The following NEMF variants were observed in gnomAD, a reference collection of about 807,000 sequenced individuals.
The protein encoded by NEMF is ribosome quality control complex subunit NEMF.
NEMF carries 89 observed loss-of-function variants against 162.2 expected under a neutral mutation model. The observed-to-expected ratio is 0.55, with a 90% CI of 0.46 to 0.65. The LOEUF is 0.65. Among genes scored for constraint, NEMF ranks in the 30% least tolerant of loss-of-function variants. The pLI, the probability that NEMF is intolerant of heterozygous loss-of-function variation, is 0.00. For missense variants in NEMF, 1,133 were observed against 1,261.9 expected (o/e 0.90, Z 1.55); for synonymous variants, 421 against 404.5 (o/e 1.04, Z -0.49).
intron 17 of NEMF, among the ~76,000 whole-genome samples, chr14:49,814,536 CTG>C (rs547368318): frequency 1.2e-3 from 182 of 152,346 alleles, no homozygotes; most frequent in African/African-American, 4.3e-3. Flanking sequence ...AAGTCCAACA[CTG>C]CAGATTAGCT....
chr14:49,784,544 T>C lies in NEMF; in HGVS notation c.*92A>G. 2.4e-6 allele frequency: 2 copies of C among 844,504 alleles called. No individual in the cohort carries two copies. The highest frequency in any genetic ancestry group is 3.8e-6 in the Non-Finnish European group (2 of 524,050). 52.3% of individuals were successfully genotyped at this position (844,504 alleles called of 1,614,324 possible). A position where few individuals can be genotyped will look rare whatever the true frequency, so the allele number is the denominator to read the frequency against. On this transcript the variant is annotated 3_prime_UTR_variant, in exon 33 of 33. Coordinates refer to ENST00000298310, the MANE Select transcript of NEMF (RefSeq NM_004713.6). ...GGCAATGTTTAGTTCATTTTTATAA[T>C]GCGGAAATCCTGATACATGGTGCTT... is the stretch of plus-strand genomic sequence containing the variant.
intron 25 of NEMF, 89 bp from the exon 26 acceptor site, chr14:49,796,033 A>G: frequency 7.8e-6 from 7 of 895,922 alleles, no homozygotes; most frequent in Non-Finnish European, 1.0e-5. Context: ...GCACATATAC[A>G]GTATATAAAT....
At chr14:49,810,318 G>A (rs1006766088) in intron 18 of NEMF, among the ~76,000 whole-genome samples, 1 of 151,464 alleles carries the variant, frequency 6.6e-6, no homozygotes, top group African/African-American at 2.4e-5. Flanking sequence ...CATGAGCCGA[G>A]ATCACACCAC....
At chr14:49,830,893 A>G (rs1190743764) in intron 11 of NEMF, among the ~76,000 whole-genome samples, 1 of 152,220 alleles carries the variant, frequency 6.6e-6, no homozygotes, top group Non-Finnish European at 1.5e-5. Context: ...CTTGGCTTTA[A>G]AGTCCATTTA....
rs144342025 is a variant in NEMF, at chr14:49,840,858, A to T, written c.366T>A (p.Ile122=). ...LIIELYDRGN[I]VLTDYEYVIL... ...TTACGTACTCATAATCTGTAAGAAC[A>T]ATGTTCCCCTGCAATAAAATAAAAT... is the stretch of plus-strand genomic sequence containing the variant. Residue 122 remains isoleucine (I), a synonymous_variant, in exon 5 of 33, where the codon ATT becomes ATA. Transcript: ENST00000298310. 2.9e-5 allele frequency: 46 copies of T among 1,603,494 alleles called. No individual in the cohort carries two copies. Among genetic ancestry groups the T allele is most frequent in the Non-Finnish European group, 3.5e-5 (41 of 1,177,168 alleles).
Position 49,784,656 on chromosome 14 carries a change from G to A in NEMF, c.3211C>T (p.Leu1071=), listed in dbSNP as rs1026491339. The A allele has an allele frequency of 6.2e-7, 1 of 1,610,918 alleles. No homozygotes were observed. The part of the protein sequence containing the change: ...GKVKVSAPNL[L]NVKRK ...TTCAGCTATTTCCTTTTTACGTTCA[G>A]AAGATTGGGTGCAGACACTTTCACT... is the stretch of plus-strand genomic sequence containing the variant. The change falls in exon 33 of 33, where the codon CTG becomes TTG. Residue 1071 remains leucine, a synonymous_variant. Transcript: ENST00000298310.
chr14:49,815,112 T>C (rs1248114354), intron 16 of NEMF, among the ~76,000 whole-genome samples: 1 of 152,208 alleles, frequency 6.6e-6, no homozygotes, highest in Non-Finnish European at 1.5e-5. Flanking sequence ...CTTCTTAAAC[T>C]CAACTTCTAA....
chr14:49,785,291 C>G lies in NEMF; in HGVS notation c.2958G>C (p.Gln986His). Residue 986 changes from glutamine to histidine, a missense_variant, in exon 30 of 33, where the codon CAG (glutamine) becomes CAC (histidine). Physicochemically the swap from Gln to His is conservative, Grantham distance 24. Around this residue, in one of 3 missense-constraint regions of NEMF, gnomAD observed 532 missense variants for 578.6 expected, o/e 0.92. Coordinates refer to ENST00000298310, the MANE Select transcript of NEMF (RefSeq NM_004713.6). ...ACAGTAGTACATCTTCAGGATGTGGCTGGCCTGTCAAAGAATCAAATAGGT... is the reference window on the plus strand; with the variant it reads ...ACAGTAGTACATCTTCAGGATGTGGGTGGCCTGTCAAAGAATCAAATAGGT... Reference protein sequence around the residue: ...EENLFDSLTGQPHPEDVLLFA... With the variant: ...EENLFDSLTGHPHPEDVLLFA... 6.2e-7 allele frequency: 1 copy of G among 1,613,806 alleles called. No homozygotes were observed. Among genetic ancestry groups the G allele is most frequent in the South Asian group, 1.1e-5 (1 of 91,072 alleles).
chr14:49,792,652 T>C (rs1890507333), intron 26 of NEMF, among the ~76,000 whole-genome samples: 1 of 152,188 alleles, frequency 6.6e-6, no homozygotes, highest in Admixed American at 6.5e-5. Flanking sequence ...AATATATTTT[T>C]CTCAACTAAT....
At chr14:49,798,680 G>A (rs113080562) in intron 25 of NEMF, among the ~76,000 whole-genome samples, 209 of 152,220 alleles carry the variant, frequency 1.4e-3, no homozygotes, top group African/African-American at 4.6e-3. Context: ...AGGCCAAAGC[G>A]GGTGATCACG....
rs561887479 is a variant in NEMF, at chr14:49,802,776, T to A, written c.1916-49A>T. On this transcript the variant is annotated intron_variant, in intron 20 of 32. Coordinates refer to ENST00000298310, the MANE Select transcript of NEMF (RefSeq NM_004713.6). ...TGCTTTGAAAATCAGTCTTCTCCAT[T>A]TTTTGCTTGTAAAACAAAAAAAAAT... 13 of 1,470,700 alleles carry A rather than the reference T, an allele frequency of 8.8e-6. No individual in the cohort carries two copies. In the South Asian group the frequency reaches 1.4e-4, roughly 16 times the overall value. The allele number at this position is 1,470,700 out of a possible 1,614,324, so 91.1% of individuals were successfully genotyped here.
chr14:49,827,981 G>GT (rs1892445900), intron 15 of NEMF, among the ~76,000 whole-genome samples: 2 of 152,168 alleles, frequency 1.3e-5, no homozygotes, highest in African/African-American at 4.8e-5. Flanking sequence ...GATTCTGGCT[G>GT]TACTTTAAAG....
rs986207069 is a variant in NEMF at position 49,796,049 on chromosome 14, T to C, written c.2466-105A>G. 4.0e-5 allele frequency: 30 copies of C among 743,710 alleles called. No individual in the cohort carries two copies. The Middle Eastern group carries it at 4.0e-3, about 100-fold the overall frequency. The allele number at this position is 743,710 out of a possible 1,614,324, so 46.1% of individuals were successfully genotyped here. A position where few individuals can be genotyped will look rare whatever the true frequency, so the allele number is the denominator to read the frequency against. ...CACATATACAGTATATAAATGGTCA[T>C]GGCTTCTGCTTCACTTGATAATCAC... On this transcript the variant is annotated intron_variant, in intron 25 of 32. Transcript: ENST00000298310.
chr14:49,848,437 G>A (rs549035763), intron 3 of NEMF, among the ~76,000 whole-genome samples: 1 of 152,216 alleles, frequency 6.6e-6, no homozygotes, highest in South Asian at 2.1e-4. Flanking sequence ...ACATGGACTG[G>A]TAACAAGACT....
intron 23 of NEMF, 144 bp from the exon 24 acceptor site, chr14:49,799,822 C>T: frequency 1.5e-6 from 1 of 662,634 alleles, no homozygotes; most frequent in Non-Finnish European, 2.6e-6. Context: ...AACATACAAC[C>T]AAATTGCTCC....
intron 18 of NEMF, 61 bp from the exon 19 acceptor site, chr14:49,806,194 T>A (rs1798857465): frequency 1.0e-6 from 1 of 986,874 alleles, no homozygotes; most frequent in South Asian, 1.4e-5. Flanking sequence ...GAGCAAGATA[T>A]GAAAATCACA....
At chr14:49,824,028 G>T (rs919648911) in intron 16 of NEMF, among the ~76,000 whole-genome samples, 1 of 152,028 alleles carries the variant, frequency 6.6e-6, no homozygotes, top group Non-Finnish European at 1.5e-5. Flanking sequence ...AAATTAGTTG[G>T]GCATGGTGGC....
chr14:49,834,880 T>C (rs1224825282), intron 6 of NEMF, among the ~76,000 whole-genome samples: 2 of 152,244 alleles, frequency 1.3e-5, no homozygotes, highest in Admixed American at 1.3e-4. Flanking sequence ...TTTACTTATT[T>C]TGAAGTGTTA....
chr14:49,809,416 A>T (rs936811503), intron 18 of NEMF, among the ~76,000 whole-genome samples: 4 of 152,230 alleles, frequency 2.6e-5, no homozygotes, highest in Non-Finnish European at 5.9e-5. Context: ...CCAGCCTTTA[A>T]AGATCAGTGG....
Sources: gnomAD v4.1 joint callset for allele counts (sites outside exome capture counted in the v4.1 genomes callset) on GRCh38, gnomAD v4.1.1 for gene constraint, gnomAD v4.1.1 regional missense constraint, MANE v1.5 for transcripts, NCBI Gene and HGNC (gene_info 2026-07-23, HGNC 2026-07-21) for gene names.